Variants in SNX27 observed in about 807,000 individuals in gnomAD.
SNX27 encodes sorting nexin-27.
SNX27 carries 22 observed loss-of-function variants against 71.6 expected under a neutral mutation model. The observed-to-expected ratio is 0.31, with a 90% CI of 0.22 to 0.44. SNX27 has a LOEUF of 0.44. SNX27 is among the 20% of genes least tolerant of loss of function. SNX27 has a pLI of 1.00. For synonymous variants in SNX27, 269 were observed against 277.2 expected, an observed-to-expected ratio of 0.97 and a Z score of 0.29; for missense variants, 531 against 698.6, an observed-to-expected ratio of 0.76 and a Z score of 2.70.
At chr1:151,693,356 G>C (rs1047608960) in intron 10 of SNX27, 68 bp from the exon 11 acceptor site, 14 of 1,473,636 alleles carry the variant, frequency 9.5e-6, no homozygotes, top group African/African-American at 1.4e-5. Flanking sequence ...GGGGACAGGA[G>C]TTCAAAGGCA....
chr1:151,616,899 T>A (rs1667447969), intron 1 of SNX27, among the ~76,000 whole-genome samples: 1 of 152,220 alleles, frequency 6.6e-6, no homozygotes, highest in African/African-American at 2.4e-5. Context: ...CCTAGAAATC[T>A]TTATTTTTTT....
intron 1 of SNX27, among the ~76,000 whole-genome samples, chr1:151,626,657 G>C (rs1269962729): frequency 2.0e-5 from 3 of 151,918 alleles, no homozygotes; most frequent in Non-Finnish European, 4.4e-5. Flanking sequence ...AGCCAAGATC[G>C]TGCCACTGCA....
chr1:151,629,448 C>A (rs1484022285), intron 1 of SNX27: 1 of 128,548 alleles, frequency 7.8e-6, no homozygotes, highest in African/African-American at 2.9e-5. Context: ...CATATATACA[C>A]ATGTATATAT....
chr1:151,651,521 C>T (rs1428818305), intron 2 of SNX27, among the ~76,000 whole-genome samples: 12 of 150,266 alleles, frequency 8.0e-5, no homozygotes, highest in Admixed American at 2.0e-4. Flanking sequence ...CCTCACTTCT[C>T]AGACGGGGCG....
intron 7 of SNX27, chr1:151,676,795 G>A (rs1670721753): frequency 6.6e-6 from 1 of 151,936 alleles, no homozygotes; most frequent in South Asian, 2.1e-4. Flanking sequence ...GTTTATTGTG[G>A]TGTGTAGTAT....
At chr1:151,640,864 C>A (rs577162485) in intron 2 of SNX27, among the ~76,000 whole-genome samples, 5 of 152,308 alleles carry the variant, frequency 3.3e-5, no homozygotes, top group African/African-American at 1.2e-4. Context: ...AGTTAGTCCT[C>A]ACCCCTTACC....
Position 151,683,360 on chromosome 1 carries a change from T to C in SNX27, c.1154T>C (p.Val385Ala), listed in dbSNP as rs534450090. 6.2e-6 allele frequency: 10 copies of C among 1,612,054 alleles called. No individual in the cohort carries two copies. The East Asian group carries it at 2.0e-4, about 32-fold the overall frequency. ...LAVTYFFHQA[V>A]DDVKKGYIKA... ...CTACTTCTGTTTTGGTGATAGGCAGTCGATGATGTGAAGAAAGGTTACATC... is the reference window on the plus strand; with the variant it reads ...CTACTTCTGTTTTGGTGATAGGCAGCCGATGATGTGAAGAAAGGTTACATC... Residue 385 changes from valine (V) to alanine (A), a missense_variant, in exon 8 of 12, where the codon GTC becomes GCC. Around this residue, in one of 5 missense-constraint regions of SNX27, gnomAD observed 184 missense variants for 289.6 expected, o/e 0.64. Coordinates refer to ENST00000458013, the MANE Select transcript of SNX27 (RefSeq NM_001330723.2).
intron 1 of SNX27, among the ~76,000 whole-genome samples, chr1:151,621,342 A>G (rs899472326): frequency 2.0e-5 from 3 of 152,172 alleles, no homozygotes; most frequent in African/African-American, 7.2e-5. Flanking sequence ...TCTGCAAGGT[A>G]TTGAGTTGCT....
chr1:151,685,710 A>C (rs1208384543), intron 8 of SNX27, among the ~76,000 whole-genome samples: 2 of 152,134 alleles, frequency 1.3e-5, no homozygotes, highest in Non-Finnish European at 2.9e-5. Context: ...AAAAAATGCA[A>C]ACCAGTCAGC....
chr1:151,640,272 A>C (rs1668663229), intron 2 of SNX27, among the ~76,000 whole-genome samples: 2 of 152,222 alleles, frequency 1.3e-5, no homozygotes, highest in Admixed American at 6.5e-5. Flanking sequence ...TCACATCCTA[A>C]AAGTAGAGCA....
At chr1:151,676,731 G>A (rs1670720251) in intron 7 of SNX27, 1 of 151,964 alleles carries the variant, frequency 6.6e-6, no homozygotes, top group Non-Finnish European at 1.5e-5. Flanking sequence ...TATATTTAGT[G>A]TGCTTTTGTC....
At chr1:151,681,693 C>G (rs1670975776) in intron 7 of SNX27, among the ~76,000 whole-genome samples, 1 of 152,162 alleles carries the variant, frequency 6.6e-6, no homozygotes, top group South Asian at 2.1e-4. Context: ...AAACACAAAT[C>G]AAACTTTCTT....
At chr1:151,683,525 G>C in intron 8 of SNX27, 80 bp downstream of exon 8, 1 of 1,050,788 alleles carries the variant, frequency 9.5e-7, no homozygotes, top group Non-Finnish European at 1.4e-6. Context: ...TTTTTGAAAG[G>C]ATTACAACCT....
chr1:151,692,704 G>A, intron 9 of SNX27, 120 bp downstream of exon 9: 1 of 1,464,186 alleles, frequency 6.8e-7, no homozygotes, highest in East Asian at 2.3e-5. Context: ...TTTGACTGGG[G>A]CAAATAAACA....
At chr1:151,655,735 A>G (rs1235141628) in intron 2 of SNX27, among the ~76,000 whole-genome samples, 32 of 152,192 alleles carry the variant, frequency 2.1e-4, no homozygotes, top group Admixed American at 2.1e-3. Flanking sequence ...GTTGTATTTA[A>G]TGGGAGGTTA....
intron 8 of SNX27, among the ~76,000 whole-genome samples, chr1:151,684,148 A>G (rs187260267): frequency 4.1e-4 from 62 of 152,220 alleles, no homozygotes; most frequent in African/African-American, 1.4e-3. Flanking sequence ...TACAGCTTCC[A>G]TTTCTGCAGT....
At chr1:151,634,100 A>G (rs1668368354) in intron 1 of SNX27, among the ~76,000 whole-genome samples, 1 of 152,204 alleles carries the variant, frequency 6.6e-6, no homozygotes, top group Non-Finnish European at 1.5e-5. Flanking sequence ...GTATATAAGA[A>G]TGGCACTTGT....
At chr1:151,651,417 C>T (rs1302780875) in intron 2 of SNX27, among the ~76,000 whole-genome samples, 1 of 151,562 alleles carries the variant, frequency 6.6e-6, no homozygotes, top group African/African-American at 2.4e-5. Flanking sequence ...GGGTGGCTGC[C>T]GGGCGGAGAC....
In SNX27 at chr1:151,696,067, T is replaced by G. The variant is rs1671686286; in HGVS notation, c.*1650T>G. ...TTGATTAGATTGGATCTCCCAAGTTTTAATTGAAAGGAGACTGAACGAAAA... is the reference window on the plus strand; with the variant it reads ...TTGATTAGATTGGATCTCCCAAGTTGTAATTGAAAGGAGACTGAACGAAAA... On this transcript the variant is annotated 3_prime_UTR_variant, in exon 12 of 12. Coordinates refer to ENST00000458013, the MANE Select transcript of SNX27 (RefSeq NM_001330723.2). 6.6e-6 allele frequency: 1 copy of G among 152,214 alleles called. No individual in the cohort carries two copies. The highest frequency in any genetic ancestry group is 1.5e-5 in the Non-Finnish European group (1 of 68,054). 9.4% of individuals were successfully genotyped at this position (152,214 alleles called of 1,614,324 possible).
Sources: allele counts gnomAD v4.1 joint callset (sites outside exome capture counted in the v4.1 genomes callset), GRCh38; gene constraint gnomAD v4.1.1; regional missense constraint gnomAD v4.1.1; transcripts MANE v1.5; gene names NCBI Gene and HGNC (gene_info 2026-07-23, HGNC 2026-07-21).